Variants in AGBL1 observed in about 807,000 individuals in gnomAD.
AGBL1 encodes the protein cytosolic carboxypeptidase 4.
In AGBL1, 130 loss-of-function variants were observed where a neutral mutation model predicts 118.9. The observed-to-expected ratio is 1.09, with a 90% CI of 0.95 to 1.26. The LOEUF is 1.26. AGBL1 is among the 50% of genes most tolerant of loss of function. The probability of loss-of-function intolerance (pLI) is 0.00; values close to 1 mark genes in which losing one functional copy is unlikely to be tolerated. For synonymous variants in AGBL1, 555 were observed against 478.9 expected, an observed-to-expected ratio of 1.16 and a Z score of -2.08; for missense variants, 1,584 against 1,298.1, an observed-to-expected ratio of 1.22 and a Z score of -3.38.
At chr15:87,030,301 C>T (rs2081771536), downstream of AGBL1, among the ~76,000 whole-genome samples, 1 of 151,968 alleles carries the variant, frequency 6.6e-6, no homozygotes, top group Non-Finnish European at 1.5e-5. Flanking sequence ...ATCCTCAAGA[C>T]TGAGTGAAAC....
chr15:86,705,042 C>G lies in AGBL1; in HGVS notation c.3158+30606C>G, dbSNP rs1567131592. Among the ~76,000 whole-genome samples the G allele has an allele frequency of 2.0e-5, 3 of 152,126 alleles. No individual in the cohort carries two copies. The South Asian group carries it at 6.2e-4, about 32-fold the overall frequency. On this transcript the variant is annotated intron_variant, in intron 22 of 22. Transcript: ENST00000614907. ...CAAACTAACACAGGAACAGAAAAAT[C>G]AAACACTGCATGTCCTCACTCATAA...
chr15:86,702,116 C>T (rs2086370710), intron 22 of AGBL1, among the ~76,000 whole-genome samples: 1 of 151,970 alleles, frequency 6.6e-6, no homozygotes, highest in Non-Finnish European at 1.5e-5. Flanking sequence ...ATCCATAGCT[C>T]ATATTAAACA....
chr15:86,764,480 T>C (rs2078068695), intron 22 of AGBL1, among the ~76,000 whole-genome samples: 1 of 152,050 alleles, frequency 6.6e-6, no homozygotes, highest in African/African-American at 2.4e-5. Context: ...TTATGTATTT[T>C]AAAAGGATCT....
At chr15:87,024,266 A>G (rs893998524) in intron 24 of AGBL1, among the ~76,000 whole-genome samples, 3 of 152,088 alleles carry the variant, frequency 2.0e-5, no homozygotes, top group African/African-American at 7.2e-5. Flanking sequence ...AGAAAATCCA[A>G]ATAAGTTCAA....
chr15:86,565,600 T>C (rs2083901174), intron 21 of AGBL1, among the ~76,000 whole-genome samples: 1 of 152,224 alleles, frequency 6.6e-6, no homozygotes, highest in Non-Finnish European at 1.5e-5. Flanking sequence ...GAGGAGGAAG[T>C]CTGTCCGTTC....
chr15:86,471,119 C>A (rs1342178977), intron 18 of AGBL1, among the ~76,000 whole-genome samples: 5 of 152,106 alleles, frequency 3.3e-5, no homozygotes, highest in South Asian at 2.1e-4. Flanking sequence ...AGAGGAAAAT[C>A]TTTCACTTTT....
At chr15:86,183,670 T>C (rs1273043145) in intron 5 of AGBL1, among the ~76,000 whole-genome samples, 2 of 152,194 alleles carry the variant, frequency 1.3e-5, no homozygotes, top group African/African-American at 4.8e-5. Context: ...CTTGAACTAA[T>C]TTGTTTTTGA....
chr15:86,564,114 A>C (rs996659689), intron 21 of AGBL1, among the ~76,000 whole-genome samples: 29 of 152,174 alleles, frequency 1.9e-4, no homozygotes, highest in Non-Finnish European at 2.6e-4. Flanking sequence ...TTAATTGGAG[A>C]ATTTAGCCCA....
intron 21 of AGBL1, among the ~76,000 whole-genome samples, chr15:86,590,255 C>T (rs1007869638): frequency 1.3e-5 from 2 of 152,138 alleles, no homozygotes; most frequent in African/African-American, 2.4e-5. Flanking sequence ...CCCAATCTCA[C>T]CTTGAATTAT....
chr15:87,013,060 G>A (rs1167377670), intron 24 of AGBL1, among the ~76,000 whole-genome samples: 1 of 152,252 alleles, frequency 6.6e-6, no homozygotes. Context: ...GTATTTTCTT[G>A]TAGCCTGAAT....
At chr15:86,153,127 G>T (rs955943708) in intron 3 of AGBL1, among the ~76,000 whole-genome samples, 2 of 152,196 alleles carry the variant, frequency 1.3e-5, no homozygotes, top group African/African-American at 4.8e-5. Flanking sequence ...TCTAGAACTA[G>T]AATTACCATT....
intron 18 of AGBL1, among the ~76,000 whole-genome samples, chr15:86,454,453 C>T (rs1426192220): frequency 6.6e-6 from 1 of 152,178 alleles, no homozygotes; most frequent in Admixed American, 6.5e-5. Flanking sequence ...CATGATTGCT[C>T]ATAGCAGTTG....
At chr15:86,174,435 T>G (rs2077455102) in intron 5 of AGBL1, among the ~76,000 whole-genome samples, 2 of 152,102 alleles carry the variant, frequency 1.3e-5, no homozygotes, top group Non-Finnish European at 2.9e-5. Context: ...TAAGTGCCTT[T>G]TATTTCTTTC....
intron 6 of AGBL1, among the ~76,000 whole-genome samples, chr15:86,245,485 C>T (rs943567533): frequency 3.3e-5 from 5 of 152,172 alleles, no homozygotes; most frequent in Non-Finnish European, 7.3e-5. Flanking sequence ...TACCTAGTCC[C>T]TAGGAGCCAA....
intron 21 of AGBL1, among the ~76,000 whole-genome samples, chr15:86,563,037 T>C (rs986955358): frequency 9.2e-5 from 14 of 152,280 alleles, no homozygotes; most frequent in South Asian, 6.2e-4. Flanking sequence ...TCTCTCTTTT[T>C]TTCTTTATTA....
intron 4 of AGBL1, among the ~76,000 whole-genome samples, chr15:86,158,186 C>T (rs1357586322): frequency 2.6e-5 from 4 of 152,150 alleles, no homozygotes. Flanking sequence ...GGAACATGCA[C>T]TCTGCAATAG....
chr15:86,934,355 G>C (rs560772986), intron 23 of AGBL1, among the ~76,000 whole-genome samples: 2 of 152,250 alleles, frequency 1.3e-5, no homozygotes, highest in South Asian at 4.1e-4. Flanking sequence ...GCTCCCTATT[G>C]GCCAAGAATA....
chr15:86,882,507 G>C (rs1329940347), intron 22 of AGBL1, among the ~76,000 whole-genome samples: 1 of 152,090 alleles, frequency 6.6e-6, no homozygotes, highest in Non-Finnish European at 1.5e-5. Flanking sequence ...AGTGACCTTA[G>C]ATAAATCACT....
chr15:86,372,737 C>T (rs926853478), intron 17 of AGBL1, among the ~76,000 whole-genome samples: 1 of 152,238 alleles, frequency 6.6e-6, no homozygotes, highest in Non-Finnish European at 1.5e-5. Context: ...CTCTCTGTCT[C>T]ACGCCAGCCT....
Sources: allele counts gnomAD v4.1 joint callset (sites outside exome capture counted in the v4.1 genomes callset), GRCh38; gene constraint gnomAD v4.1.1; transcripts MANE v1.5; gene names NCBI Gene and HGNC (gene_info 2026-07-23, HGNC 2026-07-21).